Variants in STK38 observed in about 807,000 individuals in gnomAD.
STK38 encodes serine/threonine kinase 38, also known as serine/threonine-protein kinase 38.
In STK38, 26 loss-of-function variants were observed where a neutral mutation model predicts 59.0. The ratio of observed to expected loss-of-function variants is 0.44; its 90% CI spans 0.32 to 0.61. The LOEUF (loss-of-function observed/expected upper bound fraction) is 0.61. STK38 is among the 20% of genes least tolerant of loss of function. STK38 has a pLI of 0.04. For synonymous variants in STK38, 175 were observed against 176.6 expected, an observed-to-expected ratio of 0.99 and a Z score of 0.07; for missense variants, 433 against 566.0, an observed-to-expected ratio of 0.76 and a Z score of 2.38.
At position 36,498,358 on chromosome 6, in the gene STK38, A is replaced by G; in HGVS notation, c.1076+5T>C. The G allele has an allele frequency of 6.2e-7, 1 of 1,609,706 alleles. No individual in the cohort carries two copies. Among genetic ancestry groups the G allele is most frequent in the Non-Finnish European group, 8.5e-7 (1 of 1,178,980 alleles). ...GAAAGAAGGTGGAGGGATGTTCTCT[A>G]ATACCTCAAAATTAGATCCTTGGCT... On this transcript the variant is annotated splice_donor_5th_base_variant and intron_variant, in intron 11 of 13. Transcript: ENST00000229812.
intron 4 of STK38, among the ~76,000 whole-genome samples, chr6:36,522,753 G>A (rs1373893343): frequency 2.7e-5 from 4 of 149,490 alleles, no homozygotes; most frequent in African/African-American, 7.4e-5. Flanking sequence ...TTATTCGGGA[G>A]GCTAAGGCAG....
chr6:36,523,247 C>T (rs969425711), intron 4 of STK38, among the ~76,000 whole-genome samples: 1 of 151,174 alleles, frequency 6.6e-6, no homozygotes, highest in East Asian at 1.9e-4. Context: ...CACATTTCCC[C>T]GGGGTACCAG....
At chr6:36,532,385 T>C (rs1169545237) in intron 2 of STK38, among the ~76,000 whole-genome samples, 1 of 151,878 alleles carries the variant, frequency 6.6e-6, no homozygotes, top group Non-Finnish European at 1.5e-5. Flanking sequence ...GTAACTCTTG[T>C]CAATCACTTT....
intron 11 of STK38, 123 bp from the exon 12 acceptor site, chr6:36,497,998 A>C: frequency 1.5e-6 from 1 of 666,622 alleles, no homozygotes; most frequent in Non-Finnish European, 2.5e-6. Flanking sequence ...GGAGTGCAGT[A>C]GCACAATCAT....
intron 2 of STK38, among the ~76,000 whole-genome samples, chr6:36,530,646 C>T (rs111666164): frequency 0.059 from 8,774 of 149,332 alleles, 584 homozygotes; most frequent in Admixed American, 0.17. Context: ...GGATTACAGG[C>T]GTGAGCCACC....
At chr6:36,533,890 G>A (rs556449864) in intron 2 of STK38, among the ~76,000 whole-genome samples, 32 of 152,244 alleles carry the variant, frequency 2.1e-4, no homozygotes, top group Middle Eastern at 3.4e-3. Flanking sequence ...ATCCTAACAC[G>A]GGACACTGTG....
intron 2 of STK38, among the ~76,000 whole-genome samples, chr6:36,533,634 A>C (rs1275610365): frequency 6.6e-6 from 1 of 152,212 alleles, no homozygotes; most frequent in South Asian, 2.1e-4. Context: ...AAAACCATAC[A>C]TCATCTTGTT....
In STK38 at chr6:36,494,634, G is replaced by C. The variant is rs1353746760; in HGVS notation, c.*1150C>G. The C allele has an allele frequency of 6.6e-6, 1 of 152,660 alleles. No individual in the cohort carries two copies. The highest frequency in any genetic ancestry group is 2.4e-5 in the African/African-American group (1 of 41,448). 9.5% of individuals were successfully genotyped at this position (152,660 alleles called of 1,614,324 possible). On this transcript the variant is annotated 3_prime_UTR_variant, in exon 14 of 14. Coordinates refer to ENST00000229812, the MANE Select transcript of STK38 (RefSeq NM_007271.4). ...GTGGGGAGGAGTATCCCCCAGGAAG[G>C]CATCTGCAAAGGAAAAAATTGTAAT...
chr6:36,515,362 T>G lies in STK38; in HGVS notation c.645A>C (p.Pro215=). The G allele has an allele frequency of 6.2e-7, 1 of 1,614,094 alleles. No homozygotes were observed. Among genetic ancestry groups the G allele is most frequent in the Non-Finnish European group, 8.5e-7 (1 of 1,180,010 alleles). Residue 215 remains proline (P), a synonymous_variant, in exon 7 of 14, where the codon CCA becomes CCC. Coordinates refer to ENST00000229812, the MANE Select transcript of STK38 (RefSeq NM_007271.4). ...QLGFIHRDIK[P]DNLLLDSKGH... ...CCTTGCTGTCCAAAAGAAGGTTGTC[T>G]GGTTTGATGTCTCTGTGGATGAATC... is the stretch of plus-strand genomic sequence containing the variant.
chr6:36,540,229 G>A (rs753527354), intron 1 of STK38, 22 bp from the exon 2 acceptor site: 50 of 1,612,506 alleles, frequency 3.1e-5, no homozygotes, highest in Non-Finnish European at 3.8e-5. Context: ...GAAAAGAAGA[G>A]GTGTTAGATT....
intron 10 of STK38, 35 bp from the exon 11 acceptor site, chr6:36,498,521 T>C (rs375358047): frequency 4.8e-5 from 76 of 1,589,814 alleles, no homozygotes; most frequent in Non-Finnish European, 5.1e-6. Context: ...GCTTTTACAC[T>C]CCAGAACTTT....
rs1443524500 is a variant in STK38, at chr6:36,521,820, A to G, written c.307-3T>C. The G allele has an allele frequency of 3.7e-6, 6 of 1,607,262 alleles. No individual in the cohort carries two copies. Among genetic ancestry groups the G allele is most frequent in the East Asian group, 2.2e-5 (1 of 44,654 alleles). ...TCTTTCTTCTGAACAAGCCGTACCTAAAAAGTTATAAAAGAAATGCCAAGT... is the reference window on the plus strand; with the variant it reads ...TCTTTCTTCTGAACAAGCCGTACCTGAAAAGTTATAAAAGAAATGCCAAGT... On this transcript the variant is annotated splice_region_variant and splice_polypyrimidine_tract_variant and intron_variant, in intron 4 of 13. Coordinates refer to ENST00000229812, the MANE Select transcript of STK38 (RefSeq NM_007271.4).
intron 7 of STK38, among the ~76,000 whole-genome samples, chr6:36,508,823 C>A (rs763047794): frequency 6.6e-6 from 1 of 152,240 alleles, no homozygotes; most frequent in South Asian, 2.1e-4. Context: ...CCAGGCAGAG[C>A]AGGTAGCTCC....
intron 8 of STK38, 79 bp from the exon 9 acceptor site, chr6:36,506,723 C>G: frequency 7.9e-7 from 1 of 1,262,842 alleles, no homozygotes; most frequent in Admixed American, 2.2e-5. Context: ...TCTTTCAAGT[C>G]ACATGAGACC....
intron 1 of STK38, among the ~76,000 whole-genome samples, chr6:36,540,483 T>C (rs921793539): frequency 6.6e-6 from 1 of 152,166 alleles, no homozygotes; most frequent in African/African-American, 2.4e-5. Context: ...ACAGAGAGGA[T>C]GTTCATCATG....
At chr6:36,508,776 G>A (rs548085859) in intron 7 of STK38, among the ~76,000 whole-genome samples, 1 of 152,322 alleles carries the variant, frequency 6.6e-6, no homozygotes, top group Admixed American at 6.5e-5. Flanking sequence ...TCCAGCCACT[G>A]CACACAGCCA....
chr6:36,506,396 A>AAT (rs1280188325), intron 9 of STK38, among the ~76,000 whole-genome samples, 187 bp downstream of exon 9: 2 of 152,176 alleles, frequency 1.3e-5, no homozygotes, highest in African/African-American at 4.8e-5. Flanking sequence ...AAAACAACCT[A>AAT]ATATTACCTG....
chr6:36,546,887 A>C (rs531979210), intron 1 of STK38, among the ~76,000 whole-genome samples: 1 of 152,192 alleles, frequency 6.6e-6, no homozygotes, highest in Non-Finnish European at 1.5e-5. Flanking sequence ...GAGCAGACAA[A>C]GGTGGCAACA....
At chr6:36,506,485 A>G in intron 9 of STK38, 98 bp downstream of exon 9, 1 of 1,231,092 alleles carries the variant, frequency 8.1e-7, no homozygotes, top group Non-Finnish European at 1.2e-6. Context: ...AGCAAGGGAT[A>G]TGTTGCAAAT....
Sources: gnomAD v4.1 joint callset for allele counts (sites outside exome capture counted in the v4.1 genomes callset) on GRCh38, gnomAD v4.1.1 for gene constraint, MANE v1.5 for transcripts, NCBI Gene and HGNC (gene_info 2026-07-23, HGNC 2026-07-21) for gene names.